The following PANK1 variants were observed in gnomAD, a reference collection of about 807,000 sequenced individuals.
The protein encoded by PANK1 is pantothenic acid kinase 1.
In PANK1, 18 loss-of-function variants were observed where a neutral mutation model predicts 40.1. That is an observed-to-expected ratio of 0.45 (90% CI 0.31 to 0.67). PANK1 has a LOEUF of 0.67. Ranked by LOEUF, PANK1 falls within the 30% of genes least tolerant of loss-of-function variation. PANK1 has a pLI of 0.06. For missense variants in PANK1, 457 were observed against 599.6 expected (o/e 0.76, Z 2.48); for synonymous variants, 242 against 237.7 (o/e 1.02, Z -0.17).
Position 89,644,758 on chromosome 10 carries a change from A to T in PANK1, c.134T>A (p.Val45Asp), listed in dbSNP as rs1292597725. The change falls in exon 1 of 7, where the codon GTC becomes GAC. Residue 45 changes from valine (V) to aspartate (D), a missense_variant. By Grantham distance (152) the Val-to-Asp change is radical. Around this residue, in one of 4 missense-constraint regions of PANK1, gnomAD observed 144 missense variants for 131.2 expected, o/e 1.10. Coordinates refer to ENST00000307534, the MANE Select transcript of PANK1 (RefSeq NM_148977.3). Reference protein sequence around the residue: ...FHPPPVQPPHVCSRGPVGGSD... With the variant: ...FHPPPVQPPHDCSRGPVGGSD... Reference sequence around the variant, plus strand: ...GCCGCCCACTGGACCCCGGCTGCAGACGTGCGGCGGCTGGACTGGCGGCGG... The same window carrying T: ...GCCGCCCACTGGACCCCGGCTGCAGTCGTGCGGCGGCTGGACTGGCGGCGG... 1.3e-6 allele frequency: 2 copies of T among 1,512,194 alleles called. No individual in the cohort carries two copies. The highest frequency in any genetic ancestry group is 1.8e-6 in the Non-Finnish European group (2 of 1,137,070). The allele number at this position is 1,512,194 out of a possible 1,614,324, so 93.7% of individuals were successfully genotyped here.
intron 1 of PANK1, among the ~76,000 whole-genome samples, chr10:89,615,216 C>T (rs144603428): frequency 6.6e-6 from 1 of 152,164 alleles, no homozygotes; most frequent in Non-Finnish European, 1.5e-5. Flanking sequence ...AAGACCCAAA[C>T]AAGCTACGTA....
chr10:89,614,283 A>G (rs1186181729), intron 1 of PANK1, among the ~76,000 whole-genome samples: 1 of 152,216 alleles, frequency 6.6e-6, no homozygotes, highest in Non-Finnish European at 1.5e-5. Flanking sequence ...GAAAGTACAC[A>G]TGCATTTTTA....
chr10:89,622,575 C>T (rs192765178), intron 1 of PANK1, among the ~76,000 whole-genome samples: 2 of 152,256 alleles, frequency 1.3e-5, no homozygotes, highest in East Asian at 3.9e-4. Flanking sequence ...GTTGCTCATG[C>T]CTGTAATCCC....
Position 89,612,014 on chromosome 10 carries a change from C to G in PANK1, c.327G>C (p.Thr109=), listed in dbSNP as rs760093095. ...FPWFGMDIGG[T]LVKLVYFEPK... ...GCTCGAAATACACCAATTTAACCAG[C>G]GTTCCACCGATGTCCATGCCAAACC... Residue 109 remains threonine, a synonymous_variant, in exon 2 of 7, where the codon ACG becomes ACC. Coordinates refer to ENST00000307534, the MANE Select transcript of PANK1 (RefSeq NM_148977.3). 1.7e-4 allele frequency: 270 copies of G among 1,613,656 alleles called. No homozygotes were observed. The highest frequency in any genetic ancestry group is 2.2e-4 in the Non-Finnish European group (259 of 1,179,962).
intron 1 of PANK1, among the ~76,000 whole-genome samples, chr10:89,613,032 A>G (rs957762148): frequency 1.5e-4 from 23 of 152,188 alleles, no homozygotes; most frequent in Non-Finnish European, 3.1e-4. Context: ...AATCTCCATC[A>G]TGATGATTTT....
chr10:89,601,370 G>T (rs575957116), intron 2 of PANK1, among the ~76,000 whole-genome samples: 1 of 148,080 alleles, frequency 6.8e-6, no homozygotes, highest in South Asian at 2.1e-4. Flanking sequence ...GGTCCTAGCT[G>T]CTTGGGAGGC....
At chr10:89,630,526 T>G (rs1564635792) in intron 1 of PANK1, among the ~76,000 whole-genome samples, 1 of 150,750 alleles carries the variant, frequency 6.6e-6, no homozygotes, top group East Asian at 2.0e-4. Flanking sequence ...GGAGTCTCGC[T>G]CTGTCACCCA....
intron 1 of PANK1, among the ~76,000 whole-genome samples, chr10:89,634,561 T>C (rs1841748351): frequency 6.6e-6 from 1 of 152,296 alleles, no homozygotes; most frequent in South Asian, 2.1e-4. Context: ...TCTTGGAGAA[T>C]GGGTTAAAAA....
intron 1 of PANK1, among the ~76,000 whole-genome samples, chr10:89,622,575 C>A (rs192765178): frequency 1.3e-5 from 2 of 152,138 alleles, no homozygotes; most frequent in Non-Finnish European, 2.9e-5. Flanking sequence ...GTTGCTCATG[C>A]CTGTAATCCC....
Position 89,588,697 on chromosome 10 carries a change from A to G in PANK1, c.1281T>C (p.Asp427=), listed in dbSNP as rs1319128518. The change falls in exon 6 of 7, where the codon GAT becomes GAC. Residue 427 remains aspartate, a synonymous_variant. Transcript: ENST00000307534. The part of the protein sequence containing the change: ...VSMKLLAYAM[D]FWSKGQLKAL... ...CTTTCAGTTGTCCTTTGGACCAAAA[A>G]TCCATGGCATATGCCAGCAGCTTCA... 12 of 1,606,550 alleles carry G rather than the reference A, an allele frequency of 7.5e-6. No individual in the cohort carries two copies. Among genetic ancestry groups the G allele is most frequent in the South Asian group, 2.2e-5 (2 of 89,114 alleles).
intron 1 of PANK1, among the ~76,000 whole-genome samples, chr10:89,612,939 C>T (rs1387164455): frequency 2.0e-5 from 3 of 152,190 alleles, no homozygotes; most frequent in Admixed American, 6.5e-5. Context: ...CCAGAGGAAC[C>T]ATGGCCAGGT....
intron 2 of PANK1, among the ~76,000 whole-genome samples, chr10:89,608,311 G>GTGA (rs1845039937): frequency 6.6e-6 from 1 of 152,000 alleles, no homozygotes; most frequent in African/African-American, 2.4e-5. Flanking sequence ...GATTACAGGC[G>GTGA]TGAGCCACCG....
At chr10:89,587,821 A>T (rs2133919608) in intron 6 of PANK1, among the ~76,000 whole-genome samples, 1 of 152,362 alleles carries the variant, frequency 6.6e-6, no homozygotes, top group South Asian at 2.1e-4. Context: ...TTGACAACTT[A>T]TAATCGTATA....
At chr10:89,610,324 T>C (rs996835047) in intron 2 of PANK1, among the ~76,000 whole-genome samples, 2 of 152,102 alleles carry the variant, frequency 1.3e-5, no homozygotes, top group African/African-American at 4.8e-5. Flanking sequence ...GAAACTTAGT[T>C]CTCAAGCCCA....
chr10:89,619,685 G>C (rs1248693927), intron 1 of PANK1, among the ~76,000 whole-genome samples: 3 of 152,230 alleles, frequency 2.0e-5, no homozygotes, highest in African/African-American at 7.2e-5. Context: ...TGCTGCCATG[G>C]AGAGTAACAA....
intron 1 of PANK1, among the ~76,000 whole-genome samples, chr10:89,617,626 A>G (rs996329693): frequency 1.3e-5 from 2 of 152,254 alleles, no homozygotes; most frequent in Non-Finnish European, 2.9e-5. Context: ...GATGTCTCCA[A>G]TAAAGATACA....
intron 4 of PANK1, among the ~76,000 whole-genome samples, 168 bp from the exon 5 acceptor site, chr10:89,593,488 C>T (rs559143776): frequency 6.6e-6 from 1 of 151,876 alleles, no homozygotes; most frequent in East Asian, 2.0e-4. Flanking sequence ...TGGCTGACCG[C>T]CCTTTTCTTA....
At chr10:89,619,971 A>G (rs2133977453) in intron 1 of PANK1, among the ~76,000 whole-genome samples, 1 of 152,220 alleles carries the variant, frequency 6.6e-6, no homozygotes, top group African/African-American at 2.4e-5. Context: ...TACTTTTATA[A>G]TTTCTTATGC....
chr10:89,595,590 T>C (rs951683846), intron 3 of PANK1, among the ~76,000 whole-genome samples: 29 of 150,504 alleles, frequency 1.9e-4, no homozygotes, highest in Admixed American at 1.7e-3. Context: ...CAGGCCAAGG[T>C]GGGTGGATCA....
Sources: gnomAD v4.1 joint callset for allele counts (sites outside exome capture counted in the v4.1 genomes callset) on GRCh38, gnomAD v4.1.1 for gene constraint, gnomAD v4.1.1 regional missense constraint, MANE v1.5 for transcripts, NCBI Gene and HGNC (gene_info 2026-07-23, HGNC 2026-07-21) for gene names.